Variants in DYM observed in about 807,000 individuals in gnomAD.
The protein encoded by DYM is dymeclin.
In DYM, 78 loss-of-function variants were observed where a neutral mutation model predicts 93.1. The ratio of observed to expected loss-of-function variants is 0.84; its 90% CI spans 0.70 to 1.01. The LOEUF (loss-of-function observed/expected upper bound fraction) is 1.01. Among genes scored for constraint, DYM ranks in the 50% least tolerant of loss-of-function variants. The pLI is 0.00. For synonymous variants in DYM, 321 were observed against 319.7 expected (o/e 1.00, Z -0.04); for missense variants, 789 against 845.0 (o/e 0.93, Z 0.82).
At position 49,233,958 on chromosome 18, in the gene DYM, C is replaced by G. The variant is rs1055956026; in HGVS notation, c.1460+23052G>C. On this transcript the variant is annotated intron_variant, in intron 13 of 17. Transcript: ENST00000675505. ...TGGCCAACATGGTGAAATCCCGTCT[C>G]TACTAAAAAAAATACAAAAAATTAG... 2.0e-5 allele frequency among the ~76,000 whole-genome samples: 3 copies of G among 151,894 alleles called. No homozygotes were observed. In the South Asian group the frequency reaches 6.2e-4, roughly 31 times the overall value.
intron 1 of DYM, among the ~76,000 whole-genome samples, chr18:49,458,075 T>C (rs1358592494): frequency 6.6e-6 from 1 of 152,210 alleles, no homozygotes; most frequent in Non-Finnish European, 1.5e-5. Flanking sequence ...TGCATTGTTT[T>C]AAGCCACTAA....
chr18:49,342,692 A>T (rs140018463), intron 6 of DYM, among the ~76,000 whole-genome samples: 16 of 152,358 alleles, frequency 1.1e-4, no homozygotes, highest in Non-Finnish European at 1.8e-4. Context: ...TAATGCTTCC[A>T]TATTATAATG....
intron 16 of DYM, among the ~76,000 whole-genome samples, chr18:49,109,414 A>G (rs1369666140): frequency 3.3e-5 from 5 of 152,194 alleles, no homozygotes; most frequent in Admixed American, 6.5e-5. Context: ...TGGTTGCCCT[A>G]GAGTTTATAC....
At chr18:49,326,147 T>G (rs1263824117) in intron 8 of DYM, among the ~76,000 whole-genome samples, 2 of 150,814 alleles carry the variant, frequency 1.3e-5, no homozygotes, top group Admixed American at 1.3e-4. Context: ...ACAACACATA[T>G]TTTTTTTTAA....
chr18:49,046,301 GCGCA>G (rs1241313651), intron 17 of DYM, among the ~76,000 whole-genome samples: 194 of 142,110 alleles, frequency 1.4e-3, no homozygotes, highest in Non-Finnish European at 2.2e-3. Flanking sequence ...AGACATGCGC[GCGCA>G]CACACACACA....
Position 49,281,953 on chromosome 18 carries a change from T to TA in DYM, c.1125+43dup, listed in dbSNP as rs199585077. 672 of 1,553,548 alleles carry TA rather than the reference T, an allele frequency of 4.3e-4. 4 individuals are homozygous for TA. In the East Asian group the frequency reaches 9.2e-3, roughly 21 times the overall value. ...TGTACCCTAAAACTTAAAGTATAAT[T>TA]AAAAAAAAATACAAACGCATGGAAT... On this transcript the variant is annotated intron_variant, in intron 10 of 17. Coordinates refer to ENST00000675505, the MANE Select transcript of DYM (RefSeq NM_001353214.3).
At chr18:49,396,033 G>A (rs527713508) in intron 2 of DYM, among the ~76,000 whole-genome samples, 38 of 152,058 alleles carry the variant, frequency 2.5e-4, no homozygotes, top group Admixed American at 1.4e-3. Context: ...GCACCTCCCC[G>A]CCCCATTGCA....
intron 1 of DYM, among the ~76,000 whole-genome samples, chr18:49,447,730 T>C (rs1200505792): frequency 6.6e-6 from 1 of 152,192 alleles, no homozygotes; most frequent in Non-Finnish European, 1.5e-5. Flanking sequence ...CCTCCTCTCC[T>C]GTTCGCAACC....
intron 8 of DYM, among the ~76,000 whole-genome samples, chr18:49,318,519 G>A (rs139941784): frequency 6.6e-6 from 1 of 152,016 alleles, no homozygotes; most frequent in Non-Finnish European, 1.5e-5. Context: ...CTACTTGGGA[G>A]GCTGAGGCAG....
intron 8 of DYM, among the ~76,000 whole-genome samples, chr18:49,293,723 G>C (rs1200215292): frequency 6.6e-6 from 1 of 152,074 alleles, no homozygotes; most frequent in Admixed American, 6.6e-5. Flanking sequence ...TTAGCCTTCT[G>C]TCAGTGGATA....
chr18:49,367,452 C>A (rs1262963697), intron 5 of DYM, among the ~76,000 whole-genome samples: 1 of 152,160 alleles, frequency 6.6e-6, no homozygotes, highest in East Asian at 1.9e-4. Flanking sequence ...ATCCATTCAG[C>A]ACCATGTGCT....
intron 13 of DYM, among the ~76,000 whole-genome samples, chr18:49,253,306 T>A (rs1471627846): frequency 1.3e-5 from 2 of 152,236 alleles, no homozygotes; most frequent in African/African-American, 2.4e-5. Context: ...GTTGTACTGC[T>A]GTAATAACCC....
intron 6 of DYM, among the ~76,000 whole-genome samples, chr18:49,349,172 C>T (rs2064899814): frequency 6.6e-6 from 1 of 152,154 alleles, no homozygotes; most frequent in Non-Finnish European, 1.5e-5. Flanking sequence ...CGTGCCAGTG[C>T]ACTCCCGCCT....
At chr18:49,325,745 T>C (rs12606466) in intron 8 of DYM, among the ~76,000 whole-genome samples, 14,406 of 152,238 alleles carry the variant, frequency 0.095, 887 homozygotes, top group East Asian at 0.31. Flanking sequence ...TTTTTAAACG[T>C]AGAGTCCAGA....
chr18:49,364,550 C>A (rs74971829), intron 5 of DYM, among the ~76,000 whole-genome samples: 1,531 of 152,252 alleles, frequency 0.01, 43 homozygotes, highest in South Asian at 0.076. Context: ...AATCCAAACT[C>A]CAGATTGCAA....
intron 14 of DYM, among the ~76,000 whole-genome samples, chr18:49,184,690 G>A (rs991327560): frequency 2.6e-5 from 4 of 152,134 alleles, no homozygotes; most frequent in Admixed American, 6.5e-5. Context: ...GGGATGATTC[G>A]CATTCCAGGT....
chr18:49,314,476 C>T (rs576646257), intron 8 of DYM, among the ~76,000 whole-genome samples: 56 of 152,288 alleles, frequency 3.7e-4, no homozygotes, highest in African/African-American at 1.3e-3. Context: ...CTATGGAGTA[C>T]ATCTAAGAAT....
intron 15 of DYM, among the ~76,000 whole-genome samples, chr18:49,153,618 A>G (rs572840824): frequency 6.6e-6 from 1 of 152,332 alleles, no homozygotes; most frequent in Admixed American, 6.5e-5. Context: ...CAACAGAATA[A>G]TAACAGTATT....
intron 8 of DYM, among the ~76,000 whole-genome samples, chr18:49,292,392 ACACAC>A (rs2060197395): frequency 6.6e-6 from 1 of 150,814 alleles, no homozygotes; most frequent in Non-Finnish European, 1.5e-5. Flanking sequence ...ACACACACAC[ACACAC>A]ACACAGAGCC....
Sources: gnomAD v4.1 joint callset for allele counts (sites outside exome capture counted in the v4.1 genomes callset) on GRCh38, gnomAD v4.1.1 for gene constraint, MANE v1.5 for transcripts, NCBI Gene and HGNC (gene_info 2026-07-23, HGNC 2026-07-21) for gene names.